DMD: variants seen among roughly 807,000 people sequenced by gnomAD.
DMD encodes mutant dystrophin.
DMD carries 63 observed loss-of-function variants against 330.1 expected under a neutral mutation model. The ratio of observed to expected loss-of-function variants is 0.19; its 90% CI spans 0.16 to 0.24. The LOEUF (loss-of-function observed/expected upper bound fraction) is 0.24. Ranked by LOEUF, DMD falls within the 10% of genes least tolerant of loss-of-function variation. The pLI is 1.00. For synonymous variants in DMD, 1,223 were observed against 959.8 expected (o/e 1.27, Z -5.07); for missense variants, 3,344 against 2,684.1 (o/e 1.25, Z -5.43).
intron 47 of DMD, among the ~76,000 whole-genome samples, chrX:31,896,850 C>G (rs2094341607): frequency 9.0e-6 from 1 of 111,044 alleles, no homozygotes; most frequent in Non-Finnish European, 1.9e-5. Flanking sequence ...AGTTTTTGAT[C>G]TAAAATTTAA....
chrX:32,066,146 A>G (rs1227766467), intron 44 of DMD, among the ~76,000 whole-genome samples: 1 of 111,534 alleles, frequency 9.0e-6, no homozygotes, highest in Non-Finnish European at 1.9e-5. Context: ...ATGTATTAAT[A>G]TTTTATAAAG....
At chrX:31,840,259 C>T (rs759118153) in intron 48 of DMD, among the ~76,000 whole-genome samples, 9 of 111,270 alleles carry the variant, frequency 8.1e-5, no homozygotes, top group African/African-American at 1.6e-4. Context: ...AATTGGAGTG[C>T]GTATTCAAAA....
At chrX:31,265,977 A>C (rs1355351169) in intron 62 of DMD, among the ~76,000 whole-genome samples, 14 of 108,576 alleles carry the variant, frequency 1.3e-4, no homozygotes, top group Non-Finnish European at 2.7e-4. Flanking sequence ...CGAGCAACTA[A>C]ACCCCTTCAA....
chrX:31,368,167 C>A (rs765259849), intron 60 of DMD, among the ~76,000 whole-genome samples: 1 of 112,158 alleles, frequency 8.9e-6, no homozygotes, highest in South Asian at 3.8e-4. Flanking sequence ...CCTGGGTGGG[C>A]AAGCATAGCC....
chrX:33,195,746 GT>G (rs2148811527), intron 1 of DMD, among the ~76,000 whole-genome samples: 1 of 77,046 alleles, frequency 1.3e-5, no homozygotes, highest in Admixed American at 1.4e-4. Context: ...GTGTGTGTGT[GT>G]GTGTGTGTGT....
Position 32,529,490 on chromosome X carries a change from G to T in DMD, c.2169-11359C>A, listed in dbSNP as rs112082881. On this transcript the variant is annotated intron_variant, in intron 17 of 78. Coordinates refer to ENST00000357033, the MANE Select transcript of DMD (RefSeq NM_004006.3). ...CTCACTGCAACCCCCGCCTCCTGGGGACAAGCAATTCTCGTGCCTCAGCCT... is the reference window on the plus strand; with the variant it reads ...CTCACTGCAACCCCCGCCTCCTGGGTACAAGCAATTCTCGTGCCTCAGCCT... Among the ~76,000 whole-genome samples, 821 of 86,129 alleles carry T rather than the reference G, an allele frequency of 9.5e-3. 20 individuals are homozygous for T. The Admixed American group carries it at 0.099, about 10-fold the overall frequency. 74.8% of individuals were successfully genotyped at this position (86,129 alleles called of 115,157 possible).
intron 74 of DMD, among the ~76,000 whole-genome samples, chrX:31,167,521 A>G (rs915391004): frequency 3.6e-5 from 4 of 111,357 alleles, no homozygotes; most frequent in African/African-American, 1.3e-4. Flanking sequence ...AAATATATTT[A>G]CTCCTTGGTA....
At chrX:33,328,623 G>A (rs1015907641) in intron 1 of DMD, among the ~76,000 whole-genome samples, 3 of 111,242 alleles carry the variant, frequency 2.7e-5, no homozygotes, top group African/African-American at 9.8e-5. Flanking sequence ...ACTATGTCAC[G>A]CATTTTGTGG....
chrX:33,210,870 G>A (rs1201249538), intron 1 of DMD, among the ~76,000 whole-genome samples: 2 of 111,272 alleles, frequency 1.8e-5, no homozygotes. Flanking sequence ...TAGTTCAATT[G>A]AGAATATATG....
chrX:31,881,219 G>A (rs1325192677), intron 47 of DMD, among the ~76,000 whole-genome samples: 1 of 110,906 alleles, frequency 9.0e-6, no homozygotes, highest in Admixed American at 9.6e-5. Flanking sequence ...AGTTTATAAA[G>A]TAAAAAAGTT....
Position 33,163,814 on chromosome X carries a change from C to G in DMD, c.31+47468G>C, listed in dbSNP as rs371038638. Among the ~76,000 whole-genome samples, 4 of 109,781 alleles carry G rather than the reference C, an allele frequency of 3.6e-5. No homozygotes were observed. In the East Asian group the frequency reaches 1.1e-3, roughly 32 times the overall value. On this transcript the variant is annotated intron_variant, in intron 1 of 78. Transcript: ENST00000357033. ...AGAAAACAACATGTAAGTCAACCCA[C>G]TCATGTTTTCTAAGCCAATATCTTA...
intron 9 of DMD, among the ~76,000 whole-genome samples, chrX:32,695,515 G>A (rs779264518): frequency 1.1e-4 from 12 of 110,912 alleles, no homozygotes; most frequent in African/African-American, 2.0e-4. Flanking sequence ...AAAATTAAGC[G>A]AAAAAAATTG....
intron 74 of DMD, among the ~76,000 whole-genome samples, chrX:31,163,783 G>T (rs748408159): frequency 8.9e-6 from 1 of 111,863 alleles, no homozygotes; most frequent in East Asian, 2.8e-4. Context: ...TCATTCCCAA[G>T]CTCTGCCCTC....
At chrX:32,245,762 T>A (rs1233059932) in intron 43 of DMD, among the ~76,000 whole-genome samples, 2 of 94,034 alleles carry the variant, frequency 2.1e-5, no homozygotes, top group Non-Finnish European at 4.2e-5. Context: ...GGCTCTCTGT[T>A]TGTCTGTTGT....
At chrX:32,719,772 A>G (rs2066083075) in intron 7 of DMD, among the ~76,000 whole-genome samples, 1 of 110,221 alleles carries the variant, frequency 9.1e-6, no homozygotes, top group Admixed American at 9.8e-5. Flanking sequence ...TACTGTTATC[A>G]GTCAGTCAAT....
At chrX:32,739,100 G>A (rs190037663) in intron 7 of DMD, among the ~76,000 whole-genome samples, 1 of 111,993 alleles carries the variant, frequency 8.9e-6, no homozygotes, top group South Asian at 3.7e-4. Flanking sequence ...TTTAATTCTT[G>A]TAACAGTCCT....
At chrX:32,486,872 A>G (rs776591050) in intron 20 of DMD, among the ~76,000 whole-genome samples, 47 of 107,223 alleles carry the variant, frequency 4.4e-4, no homozygotes, top group Admixed American at 8.1e-4. Flanking sequence ...AAAGATTTAA[A>G]CGTTAGACCT....
At chrX:32,539,188 T>TTA (rs556302096) in intron 17 of DMD, among the ~76,000 whole-genome samples, 4 of 102,789 alleles carry the variant, frequency 3.9e-5, no homozygotes, top group African/African-American at 1.4e-4. Context: ...TTTTTTTTTT[T>TTA]AACAAAAAAT....
intron 44 of DMD, among the ~76,000 whole-genome samples, chrX:32,158,948 A>G (rs2096839550): frequency 1.8e-5 from 2 of 111,928 alleles, no homozygotes; most frequent in African/African-American, 6.5e-5. Context: ...AACTTCCCCA[A>G]ACTCCCATCA....
Sources: allele counts gnomAD v4.1 joint callset (sites outside exome capture counted in the v4.1 genomes callset), GRCh38; gene constraint gnomAD v4.1.1; transcripts MANE v1.5; gene names NCBI Gene and HGNC (gene_info 2026-07-23, HGNC 2026-07-21).